Variants in TENM2 observed in about 807,000 individuals in gnomAD.
TENM2 encodes the protein teneurin-2.
Under a neutral mutation model 245.2 loss-of-function variants are expected in TENM2, and 52 were observed. The ratio of observed to expected loss-of-function variants is 0.21; its 90% CI spans 0.17 to 0.27. The LOEUF (loss-of-function observed/expected upper bound fraction) is 0.27, where lower values mean the gene tolerates loss of function less well. TENM2 is among the 10% of genes least tolerant of loss of function. The pLI, the probability that TENM2 is intolerant of heterozygous loss-of-function variation, is 1.00. For missense variants in TENM2, 3,046 were observed against 3,666.8 expected (o/e 0.83, Z 4.37); for synonymous variants, 1,363 against 1,438.9 (o/e 0.95, Z 1.19).
chr5:168,005,795 T>C (rs1433554630), intron 5 of TENM2, among the ~76,000 whole-genome samples: 1 of 152,208 alleles, frequency 6.6e-6, no homozygotes, highest in Non-Finnish European at 1.5e-5. Flanking sequence ...ATTCATATGA[T>C]AGGCCAAGTG....
chr5:167,967,877 A>T (rs1185876694), intron 4 of TENM2, among the ~76,000 whole-genome samples: 1 of 152,160 alleles, frequency 6.6e-6, no homozygotes, highest in Non-Finnish European at 1.5e-5. Flanking sequence ...TTCCCAGAGG[A>T]TATTTTATCT....
chr5:168,144,853 C>T (rs1755899669), intron 12 of TENM2, among the ~76,000 whole-genome samples: 1 of 150,668 alleles, frequency 6.6e-6, no homozygotes, highest in African/African-American at 2.4e-5. Flanking sequence ...TGTTTCCTGA[C>T]TTTTTAATGA....
intron 2 of TENM2, among the ~76,000 whole-genome samples, chr5:167,798,645 C>T (rs888914505): frequency 6.6e-6 from 1 of 152,166 alleles, no homozygotes; most frequent in African/African-American, 2.4e-5. Flanking sequence ...AGACTCCGCA[C>T]TTTTGCCTAG....
chr5:167,262,474 A>G, the TENM2 span, among the ~76,000 whole-genome samples: 1 of 152,064 alleles, frequency 6.6e-6, no homozygotes, highest in Non-Finnish European at 1.5e-5. Flanking sequence ...AAGATGGTGC[A>G]GATCAGCAGG....
chr5:167,435,332 T>C (rs546522630), intron 2 of TENM2, among the ~76,000 whole-genome samples: 1 of 152,300 alleles, frequency 6.6e-6, no homozygotes, highest in South Asian at 2.1e-4. Context: ...TGGGGGCAAG[T>C]CTTTCCTACG....
rs528475559 is a variant in TENM2, at chr5:168,153,067, T to C, written c.2423-9544T>C. Reference sequence around the variant, plus strand: ...TTTTAATGTATTCATTCAACAGATATCTTTAATGCTCTAGGGTGGGAATTA... The same window carrying C: ...TTTTAATGTATTCATTCAACAGATACCTTTAATGCTCTAGGGTGGGAATTA... On this transcript the variant is annotated intron_variant, in intron 12 of 28. Coordinates refer to ENST00000518659, the Ensembl canonical transcript of TENM2. Among the ~76,000 whole-genome samples the C allele has an allele frequency of 5.7e-4, 87 of 152,264 alleles. No individual in the cohort carries two copies. In the South Asian group the frequency reaches 0.017, roughly 30 times the overall value.
At chr5:167,812,037 A>G (rs1233845597) in intron 2 of TENM2, among the ~76,000 whole-genome samples, 3 of 152,210 alleles carry the variant, frequency 2.0e-5, no homozygotes, top group African/African-American at 7.2e-5. Context: ...AGGGATTTAA[A>G]TGCATCTTGA....
chr5:167,489,184 C>G (rs143616872), intron 2 of TENM2, among the ~76,000 whole-genome samples: 1 of 152,272 alleles, frequency 6.6e-6, no homozygotes, highest in Non-Finnish European at 1.5e-5. Flanking sequence ...AAAGATAAAT[C>G]AAACCATGTT....
Position 167,900,111 on chromosome 5 carries a change from T to TAAAAAAAAAAAAAAAAAA in TENM2, c.712+23921_712+23938dup, listed in dbSNP as rs71853736. 3.0e-4 allele frequency among the ~76,000 whole-genome samples: 13 copies of TAAAAAAAAAAAAAAAAAA among 43,462 alleles called. 2 individuals carry two copies. The highest frequency in any genetic ancestry group is 1.6e-3 in the African/African-American group (13 of 8,312). The allele number at this position is 43,462 out of a possible 152,430, so 28.5% of individuals were successfully genotyped here. A position where few individuals can be genotyped will look rare whatever the true frequency, so the allele number is the denominator to read the frequency against. Reference sequence around the variant, plus strand: ...CTTTCTGTCTGTGCCCTCAACCCACTAAAAAAAAAAAAAAAAAAAAAAGGG... The same window carrying TAAAAAAAAAAAAAAAAAA: ...CTTTCTGTCTGTGCCCTCAACCCACTAAAAAAAAAAAAAAAAAAAAAAAAAAAAAAAAAAAAAAAAGGG... On this transcript the variant is annotated intron_variant, in intron 3 of 28. Transcript: ENST00000518659.
In TENM2 at chr5:167,569,078, C is replaced by CTTTT. The variant is rs34311803; in HGVS notation, c.502+193632_502+193635dup. Among the ~76,000 whole-genome samples, 99 of 48,968 alleles carry CTTTT rather than the reference C, an allele frequency of 2.0e-3. 5 individuals are homozygous for CTTTT. Among genetic ancestry groups the CTTTT allele is most frequent in the East Asian group, 0.014 (21 of 1,492 alleles). The allele number at this position is 48,968 out of a possible 152,430, so 32.1% of individuals were successfully genotyped here. A position where few individuals can be genotyped will look rare whatever the true frequency, so the allele number is the denominator to read the frequency against. On this transcript the variant is annotated intron_variant, in intron 2 of 28. Transcript: ENST00000518659. ...ATCAATGAGTATCACCTTCCTACAG[C>CTTTT]TTTTTTTTTTTTTTTTTTTTTTTTT... is the stretch of plus-strand genomic sequence containing the variant.
intron 2 of TENM2, among the ~76,000 whole-genome samples, chr5:167,861,355 A>G (rs1771788059): frequency 6.6e-6 from 1 of 152,156 alleles, no homozygotes; most frequent in South Asian, 2.1e-4. Flanking sequence ...CCAGGGAAAA[A>G]TCTGTCAGCC....
chr5:167,117,500 C>T, the TENM2 span, among the ~76,000 whole-genome samples: 2 of 151,276 alleles, frequency 1.3e-5, no homozygotes, highest in South Asian at 2.1e-4. Flanking sequence ...GAGACTCCAT[C>T]TCAAAAAAAA....
At chr5:167,531,218 C>T (rs1771478228) in intron 2 of TENM2, among the ~76,000 whole-genome samples, 1 of 152,140 alleles carries the variant, frequency 6.6e-6, no homozygotes, top group South Asian at 2.1e-4. Context: ...TACAGGAATG[C>T]CCTGTGCTGG....
intron 2 of TENM2, among the ~76,000 whole-genome samples, chr5:167,753,049 A>G (rs936890285): frequency 3.9e-5 from 6 of 152,202 alleles, no homozygotes; most frequent in Admixed American, 2.0e-4. Context: ...CTACAATTAA[A>G]GAAATGGCAT....
chr5:167,670,824 T>G (rs1018300842), intron 2 of TENM2, among the ~76,000 whole-genome samples: 3 of 152,180 alleles, frequency 2.0e-5, no homozygotes, highest in Admixed American at 1.3e-4. Context: ...AGTAGTCTGT[T>G]TTGCATTCCT....
intron 1 of TENM2, among the ~76,000 whole-genome samples, chr5:167,353,513 T>TTC (rs1561886615): frequency 8.1e-6 from 1 of 123,204 alleles, no homozygotes; most frequent in African/African-American, 3.0e-5. Flanking sequence ...TTTTTTTTTT[T>TTC]TTTTTTTTTT....
At chr5:167,391,589 C>T (rs1331441961) in intron 2 of TENM2, among the ~76,000 whole-genome samples, 2 of 135,448 alleles carry the variant, frequency 1.5e-5, no homozygotes, top group Admixed American at 1.6e-4. Flanking sequence ...TGTGCCACTG[C>T]ACTCCAGACT....
At chr5:167,796,133 G>A (rs185911748) in intron 2 of TENM2, among the ~76,000 whole-genome samples, 50 of 152,268 alleles carry the variant, frequency 3.3e-4, no homozygotes, top group African/African-American at 1.1e-3. Flanking sequence ...TGTCTCCACT[G>A]ACACCACCAT....
chr5:167,609,488 C>CAAAAA (rs5873049), intron 2 of TENM2, among the ~76,000 whole-genome samples: 376 of 36,154 alleles, frequency 0.01, 1 homozygote, highest in African/African-American at 0.018. Context: ...CCTGATGATG[C>CAAAAA]AAAAAAAAAA....
Sources: allele counts gnomAD v4.1 joint callset (sites outside exome capture counted in the v4.1 genomes callset), GRCh38; gene constraint gnomAD v4.1.1; transcripts MANE v1.5; gene names NCBI Gene and HGNC (gene_info 2026-07-23, HGNC 2026-07-21).